The following FAM227A variants were observed in gnomAD, a reference collection of about 807,000 sequenced individuals.
The protein encoded by FAM227A is family with sequence similarity 227 member A, also known as protein FAM227A.
FAM227A carries 80 observed loss-of-function variants against 74.7 expected under a neutral mutation model. The ratio of observed to expected loss-of-function variants is 1.07; its 90% CI spans 0.89 to 1.29. FAM227A has a LOEUF of 1.29. FAM227A is among the 50% of genes most tolerant of loss of function. The probability of loss-of-function intolerance (pLI) is 0.00; values close to 1 mark genes in which losing one functional copy is unlikely to be tolerated. For missense variants in FAM227A, 654 were observed against 683.4 expected (o/e 0.96, Z 0.48); for synonymous variants, 237 against 241.8 (o/e 0.98, Z 0.19).
At chr22:38,654,371 C>T (rs1326832459) in intron 1 of FAM227A, among the ~76,000 whole-genome samples, 1 of 150,792 alleles carries the variant, frequency 6.6e-6, no homozygotes, top group Admixed American at 6.6e-5. Flanking sequence ...AAATGGGGAG[C>T]GGAAATAATA....
chr22:38,589,518 G>C (rs2090886941), intron 16 of FAM227A, among the ~76,000 whole-genome samples: 1 of 152,100 alleles, frequency 6.6e-6, no homozygotes, highest in Admixed American at 6.5e-5. Flanking sequence ...AAAATTCTCA[G>C]AATTGAAGGA....
At chr22:38,613,136 A>ATT (rs2091464892) in intron 11 of FAM227A, among the ~76,000 whole-genome samples, 7 of 88,516 alleles carry the variant, frequency 7.9e-5, no homozygotes, top group African/African-American at 3.0e-4. Context: ...TTATATATAT[A>ATT]ATATATATAT....
Position 38,628,950 on chromosome 22 carries a change from T to C in FAM227A, c.520-15A>G, listed in dbSNP as rs1238114362. On this transcript the variant is annotated splice_polypyrimidine_tract_variant and intron_variant, in intron 6 of 16. Transcript: ENST00000535113. ...GAACAGAAATGCTTGGAAAAAAAAA[T>C]TCACAGTATTATTATTGTTGTTATC... 2 of 1,357,638 alleles carry C rather than the reference T, an allele frequency of 1.5e-6. No homozygotes were observed. Among genetic ancestry groups the C allele is most frequent in the Admixed American group, 2.4e-5 (1 of 41,074 alleles). The allele number at this position is 1,357,638 out of a possible 1,614,324, so 84.1% of individuals were successfully genotyped here.
chr22:38,619,964 C>T (rs1430147299), intron 11 of FAM227A, among the ~76,000 whole-genome samples: 2 of 152,130 alleles, frequency 1.3e-5, no homozygotes, highest in Non-Finnish European at 2.9e-5. Context: ...ACACTGAAAA[C>T]CTGGTTCCTT....
chr22:38,627,216 T>C (rs1044380048), intron 8 of FAM227A, among the ~76,000 whole-genome samples: 3 of 151,994 alleles, frequency 2.0e-5, no homozygotes, highest in Non-Finnish European at 4.4e-5. Flanking sequence ...TATATATGTG[T>C]AGTCACATTT....
chr22:38,600,068 G>T, intron 13 of FAM227A, 147 bp from the exon 14 acceptor site: 1 of 719,314 alleles, frequency 1.4e-6, no homozygotes, highest in Non-Finnish European at 2.2e-6. Flanking sequence ...TCAAAATAAA[G>T]CAAAAAAAGG....
At chr22:38,652,614 T>A (rs1261148152) in intron 1 of FAM227A, among the ~76,000 whole-genome samples, 1 of 124,414 alleles carries the variant, frequency 8.0e-6, no homozygotes, top group East Asian at 2.4e-4. Flanking sequence ...AGGTCGGGCG[T>A]GGTGGCTTAC....
At position 38,623,236 on chromosome 22, in the gene FAM227A, C is replaced by G; in HGVS notation, c.894G>C (p.Ser298=). 6.4e-7 allele frequency: 1 copy of G among 1,551,544 alleles called. No individual in the cohort carries two copies. The highest frequency in any genetic ancestry group is 1.2e-5 in the South Asian group (1 of 84,042). Residue 298 remains serine (S), a synonymous_variant, in exon 10 of 17, where the codon TCG becomes TCC. Transcript: ENST00000535113. ...SPQSYDSWDY[S]ELDPERFRRE... ...TGCGGAATCGCTCTGGGTCTAGTTC[C>G]GAGTAGTCCCAGCTGTCATAGCTCT...
At chr22:38,606,893 C>T (rs1467127584) in intron 12 of FAM227A, among the ~76,000 whole-genome samples, 2 of 152,104 alleles carry the variant, frequency 1.3e-5, no homozygotes, top group Non-Finnish European at 2.9e-5. Context: ...TTAATCAGTG[C>T]TTAGGCTGGG....
chr22:38,585,868 T>C lies in FAM227A; in HGVS notation c.*257A>G. 2 of 767,252 alleles carry C rather than the reference T, an allele frequency of 2.6e-6. No individual in the cohort carries two copies. Among genetic ancestry groups the C allele is most frequent in the Non-Finnish European group, 4.0e-6 (2 of 499,662 alleles). The allele number at this position is 767,252 out of a possible 1,614,324, so 47.5% of individuals were successfully genotyped here. ...TTTGTATGAGGTCATATTTGTAACA[T>C]ACTTACCAGCATGCACGTAATAAAA... On this transcript the variant is annotated 3_prime_UTR_variant, in exon 17 of 17. Transcript: ENST00000535113.
chr22:38,605,224 T>G, intron 13 of FAM227A, 30 bp downstream of exon 13: 1 of 1,285,818 alleles, frequency 7.8e-7, no homozygotes, highest in African/African-American at 1.5e-5. Flanking sequence ...GGAATCACCT[T>G]TACTATTAAA....
At chr22:38,626,051 A>C in intron 9 of FAM227A, 129 bp downstream of exon 9, 1 of 948,050 alleles carries the variant, frequency 1.1e-6, no homozygotes, top group South Asian at 1.8e-5. Flanking sequence ...TGCTCTCTTT[A>C]ATGTTAAGGA....
chr22:38,591,505 G>C lies in FAM227A; in HGVS notation c.1568C>G (p.Thr523Arg). The change falls in exon 16 of 17, where the codon ACA (threonine) becomes AGA (arginine). Residue 523 changes from threonine (T) to arginine (R), a missense_variant. By Grantham distance (71) the Thr-to-Arg change is moderately conservative. Coordinates refer to ENST00000535113, the MANE Select transcript of FAM227A (RefSeq NM_001013647.2). ...GATGAACATGTGGTTTGCCTTTTTT[G>C]TATCTGCTGCTTTTGGATCAATATT... ...MKNIDPKAAD[T>R]KKANHMFIPP... 6.5e-7 allele frequency: 1 copy of C among 1,548,002 alleles called. No individual in the cohort carries two copies. Among genetic ancestry groups the C allele is most frequent in the South Asian group, 1.2e-5 (1 of 83,246 alleles).
chr22:38,598,135 G>A lies in FAM227A; in HGVS notation c.1380-779C>T, dbSNP rs79905469. 4.6e-4 allele frequency among the ~76,000 whole-genome samples: 69 copies of A among 151,414 alleles called. 1 individual carries two copies. In the East Asian group the frequency reaches 0.013, roughly 29 times the overall value. On this transcript the variant is annotated intron_variant, in intron 14 of 16. Coordinates refer to ENST00000535113, the MANE Select transcript of FAM227A (RefSeq NM_001013647.2). ...AGAATCTCAGCTACACTCGCCACAA[G>A]CTGTGGGACCTCAGACAAGATAGCA... is the stretch of plus-strand genomic sequence containing the variant.
rs1429473687 is a variant in FAM227A at position 38,650,151 on chromosome 22, C to T, written c.18G>A (p.Lys6=). 2 of 1,551,586 alleles carry T rather than the reference C, an allele frequency of 1.3e-6. No individual in the cohort carries two copies. The highest frequency in any genetic ancestry group is 2.0e-5 in the Admixed American group (1 of 50,972). The part of the protein sequence containing the change: MNHFR[K]MEVINLTTLP... ...GGGTGGTGAGGTTGATGACCTCCAT[C>T]TTCCTGAAGTGATTCATTGTCCAAT... The change falls in exon 2 of 17, where the codon AAG becomes AAA. Residue 6 remains lysine, a synonymous_variant. Coordinates refer to ENST00000535113, the MANE Select transcript of FAM227A (RefSeq NM_001013647.2).
chr22:38,616,720 T>C (rs1344009746), intron 11 of FAM227A, among the ~76,000 whole-genome samples: 1 of 151,024 alleles, frequency 6.6e-6, no homozygotes, highest in Non-Finnish European at 1.5e-5. Context: ...AAGATGGGGA[T>C]GTGGAGTCAA....
In FAM227A at chr22:38,582,502, C is replaced by T. The variant is rs1224671403; in HGVS notation, c.*3623G>A. The stretch of plus-strand genomic sequence containing the variant: ...TGTTAGTTCCCTTTGATGCTCTACC[C>T]CGCTTCCCTTATAAAGGGCAAATAA... On this transcript the variant is annotated 3_prime_UTR_variant, in exon 17 of 17. Coordinates refer to ENST00000535113, the MANE Select transcript of FAM227A (RefSeq NM_001013647.2). The T allele has an allele frequency of 3.0e-6, 4 of 1,336,862 alleles. No homozygotes were observed. The highest frequency in any genetic ancestry group is 1.3e-5 in the South Asian group (1 of 75,628). 82.8% of individuals were successfully genotyped at this position (1,336,862 alleles called of 1,614,324 possible). A position where few individuals can be genotyped will look rare whatever the true frequency, so the allele number is the denominator to read the frequency against.
intron 11 of FAM227A, among the ~76,000 whole-genome samples, chr22:38,614,559 C>T (rs2091536423): frequency 6.6e-6 from 1 of 152,182 alleles, no homozygotes; most frequent in Non-Finnish European, 1.5e-5. Context: ...TTGAACACAG[C>T]CAGCTCTTTC....
chr22:38,606,640 G>A (rs902266148), intron 12 of FAM227A, among the ~76,000 whole-genome samples: 1 of 152,140 alleles, frequency 6.6e-6, no homozygotes, highest in African/African-American at 2.4e-5. Context: ...AGGGCGAATT[G>A]CCAGGGGAAT....
Sources: allele counts gnomAD v4.1 joint callset (sites outside exome capture counted in the v4.1 genomes callset), GRCh38; gene constraint gnomAD v4.1.1; transcripts MANE v1.5; gene names NCBI Gene and HGNC (gene_info 2026-07-23, HGNC 2026-07-21).